ROBO1: variants seen among roughly 807,000 people sequenced by gnomAD.
ROBO1 encodes the protein roundabout homolog 1.
In ROBO1, 149 loss-of-function variants were observed where a neutral mutation model predicts 195.9. That is an observed-to-expected ratio of 0.76 (90% CI 0.67 to 0.87). ROBO1 has a LOEUF of 0.87. Ranked by LOEUF, ROBO1 falls within the 40% of genes least tolerant of loss-of-function variation. ROBO1 has a pLI of 0.00. For missense variants in ROBO1, 1,933 were observed against 2,068.3 expected (o/e 0.93, Z 1.27); for synonymous variants, 816 against 733.2 (o/e 1.11, Z -1.82).
At chr3:79,429,888 TAA>T (rs1408215166) in intron 2 of ROBO1, among the ~76,000 whole-genome samples, 1 of 152,072 alleles carries the variant, frequency 6.6e-6, no homozygotes, top group Non-Finnish European at 1.5e-5. Flanking sequence ...TTTTTCTTCT[TAA>T]ATATAAGATA....
intron 3 of ROBO1, among the ~76,000 whole-genome samples, chr3:78,973,596 T>C (rs1051564043): frequency 1.2e-4 from 16 of 137,954 alleles, no homozygotes; most frequent in Non-Finnish European, 2.0e-4. Flanking sequence ...TATATATATA[T>C]ATAGCTTCTT....
At chr3:78,638,088 AT>A (rs1469219191) in intron 22 of ROBO1, among the ~76,000 whole-genome samples, 1 of 151,744 alleles carries the variant, frequency 6.6e-6, no homozygotes, top group African/African-American at 2.4e-5. Context: ...TTGGCATGAA[AT>A]TTTAGCAAGA....
chr3:78,997,416 T>C (rs2077395660), intron 3 of ROBO1, among the ~76,000 whole-genome samples: 1 of 152,138 alleles, frequency 6.6e-6, no homozygotes, highest in African/African-American at 2.4e-5. Context: ...TGGTGATCCA[T>C]TCTAAGCATT....
chr3:78,822,279 G>C (rs188470021), intron 4 of ROBO1, among the ~76,000 whole-genome samples: 211 of 152,166 alleles, frequency 1.4e-3, no homozygotes, highest in African/African-American at 4.8e-3. Flanking sequence ...GGGATGTGTG[G>C]GGTGGACTAG....
At chr3:79,542,861 G>T (rs1942126518) in intron 2 of ROBO1, among the ~76,000 whole-genome samples, 1 of 151,902 alleles carries the variant, frequency 6.6e-6, no homozygotes, top group African/African-American at 2.4e-5. Flanking sequence ...AGTAATATCT[G>T]CCACATTATT....
intron 2 of ROBO1, among the ~76,000 whole-genome samples, chr3:79,503,369 A>G (rs567564852): frequency 5.9e-4 from 90 of 152,298 alleles, no homozygotes; most frequent in African/African-American, 2.0e-3. Flanking sequence ...CGCCACCTTT[A>G]AGAACTGTGC....
chr3:78,628,880 G>T (rs550691214), intron 25 of ROBO1, among the ~76,000 whole-genome samples: 2 of 151,834 alleles, frequency 1.3e-5, no homozygotes, highest in African/African-American at 4.8e-5. Context: ...TTTATTTCTT[G>T]TATGTGCTAC....
At chr3:79,163,128 G>A (rs2081002407) in intron 2 of ROBO1, among the ~76,000 whole-genome samples, 1 of 151,974 alleles carries the variant, frequency 6.6e-6, no homozygotes, top group African/African-American at 2.4e-5. Flanking sequence ...ACAAAACTCT[G>A]TTCATCTTAA....
chr3:79,539,977 A>T (rs1942005608), intron 2 of ROBO1, among the ~76,000 whole-genome samples: 1 of 152,082 alleles, frequency 6.6e-6, no homozygotes, highest in South Asian at 2.1e-4. Context: ...TGAAAATTAT[A>T]ATAATTCACT....
rs56713160 is a variant in ROBO1 at position 79,173,345 on chromosome 3, C to T, written c.89-47806G>A. Among the ~76,000 whole-genome samples, 191 of 152,194 alleles carry T rather than the reference C, an allele frequency of 1.3e-3. 1 individual carries two copies. The highest frequency in any genetic ancestry group is 4.3e-3 in the African/African-American group (177 of 41,540). On this transcript the variant is annotated intron_variant, in intron 2 of 30. Transcript: ENST00000464233. ...TTGCGGGGAGGTGTGGAGGGAGAGGCGCGAGTGGGAACCAGGGCTGCGCGC... is the reference window on the plus strand; with the variant it reads ...TTGCGGGGAGGTGTGGAGGGAGAGGTGCGAGTGGGAACCAGGGCTGCGCGC...
At chr3:79,599,950 AT>A (rs547409245) in intron 1 of ROBO1, among the ~76,000 whole-genome samples, 57 of 151,440 alleles carry the variant, frequency 3.8e-4, no homozygotes, top group African/African-American at 1.0e-3. Flanking sequence ...TACATCACGC[AT>A]TTTTTTTCAA....
chr3:79,377,075 A>C (rs1057212250), intron 2 of ROBO1, among the ~76,000 whole-genome samples: 4 of 152,162 alleles, frequency 2.6e-5, no homozygotes, highest in African/African-American at 9.7e-5. Context: ...CAGCCGAAGA[A>C]GGCAAGTTTT....
intron 17 of ROBO1, among the ~76,000 whole-genome samples, chr3:78,657,622 C>T (rs923432145): frequency 2.0e-5 from 3 of 152,184 alleles, no homozygotes; most frequent in Admixed American, 1.3e-4. Flanking sequence ...AAGTACCTTG[C>T]AGATAGCTGT....
chr3:79,342,853 A>G (rs1014735693), intron 2 of ROBO1, among the ~76,000 whole-genome samples: 10 of 152,196 alleles, frequency 6.6e-5, no homozygotes, highest in African/African-American at 2.4e-4. Flanking sequence ...TACATTGCAC[A>G]TCGTTACCAC....
At position 79,160,234 on chromosome 3, in the gene ROBO1, ATG is replaced by A. The variant is rs142663481; in HGVS notation, c.89-34697_89-34696del. ...TATTCTGTTCATTGCCTTTAAAAAA[ATG>A]TGTGTGTGTGTGTGTGTGTGTGTGT... On this transcript the variant is annotated intron_variant, in intron 2 of 30. Coordinates refer to ENST00000464233, the MANE Select transcript of ROBO1 (RefSeq NM_002941.4). 1.8e-3 allele frequency among the ~76,000 whole-genome samples: 267 copies of A among 147,942 alleles called. 1 individual carries two copies. Among genetic ancestry groups the A allele is most frequent in the East Asian group, 0.012 (63 of 5,044 alleles).
chr3:79,291,411 T>G (rs1198395237), intron 2 of ROBO1, among the ~76,000 whole-genome samples: 1 of 152,202 alleles, frequency 6.6e-6, no homozygotes, highest in Non-Finnish European at 1.5e-5. Flanking sequence ...ACTCTTTCCC[T>G]TCTTCACCTG....
At chr3:79,397,867 C>A (rs1357296370) in intron 2 of ROBO1, among the ~76,000 whole-genome samples, 3 of 152,060 alleles carry the variant, frequency 2.0e-5, no homozygotes, top group Admixed American at 6.6e-5. Context: ...AAAATGAGAA[C>A]CACTCCTGGG....
intron 2 of ROBO1, among the ~76,000 whole-genome samples, chr3:79,427,902 C>G (rs1450438126): frequency 1.3e-5 from 2 of 152,094 alleles, no homozygotes; most frequent in African/African-American, 4.8e-5. Context: ...TTGAGTAATA[C>G]CCCATGATCA....
At position 78,730,422 on chromosome 3, in the gene ROBO1, C is replaced by A. The variant is rs2082260765; in HGVS notation, c.658-12539G>T. On this transcript the variant is annotated intron_variant, in intron 5 of 30. Coordinates refer to ENST00000464233, the MANE Select transcript of ROBO1 (RefSeq NM_002941.4). ...AAGGGATTCCTTGATATAGATTGAC[C>A]AATTTTACTTTACAGAAATGCATTT... is the stretch of plus-strand genomic sequence containing the variant. Among the ~76,000 whole-genome samples, 2 of 121,446 alleles carry A rather than the reference C, an allele frequency of 1.6e-5. 1 individual carries two copies. Among genetic ancestry groups the A allele is most frequent in the Non-Finnish European group, 4.0e-5 (2 of 50,322 alleles). 79.7% of individuals were successfully genotyped at this position (121,446 alleles called of 152,430 possible). A position where few individuals can be genotyped will look rare whatever the true frequency, so the allele number is the denominator to read the frequency against.
Sources: gnomAD v4.1 joint callset for allele counts (sites outside exome capture counted in the v4.1 genomes callset) on GRCh38, gnomAD v4.1.1 for gene constraint, MANE v1.5 for transcripts, NCBI Gene and HGNC (gene_info 2026-07-23, HGNC 2026-07-21) for gene names.